Variants in PAPSS2 observed in about 807,000 individuals in gnomAD.
PAPSS2 encodes 3'-phosphoadenosine 5'-phosphosulfate synthase 2.
PAPSS2 carries 61 observed loss-of-function variants against 66.5 expected under a neutral mutation model. The observed-to-expected ratio is 0.92, with a 90% confidence interval of 0.75 to 1.14. The LOEUF is 1.14. Ranked by LOEUF, PAPSS2 falls within the 50% of genes most tolerant of loss-of-function variation. PAPSS2 has a pLI of 0.00. For synonymous variants in PAPSS2, 289 were observed against 287.5 expected (o/e 1.01, Z -0.05); for missense variants, 708 against 789.6 (o/e 0.90, Z 1.24).
At chr10:87,660,902 G>C in intron 1 of PAPSS2, 1 of 450,218 alleles carries the variant, frequency 2.2e-6, no homozygotes, top group Non-Finnish European at 4.5e-6. Context: ...GGCCACGTCA[G>C]ATGTGGTCAG....
chr10:87,711,669 C>T (rs1853463529), intron 2 of PAPSS2, among the ~76,000 whole-genome samples: 1 of 152,250 alleles, frequency 6.6e-6, no homozygotes, highest in African/African-American at 2.4e-5. Flanking sequence ...TAATGGTCCT[C>T]TGTCAAAGCC....
intron 8 of PAPSS2, among the ~76,000 whole-genome samples, chr10:87,723,726 G>A (rs1853624690): frequency 6.6e-6 from 1 of 152,138 alleles, no homozygotes; most frequent in African/African-American, 2.4e-5. Context: ...CCTTTGGAGA[G>A]TGTTTAAAAG....
At chr10:87,694,385 A>C (rs1229438622) in intron 1 of PAPSS2, among the ~76,000 whole-genome samples, 2 of 152,244 alleles carry the variant, frequency 1.3e-5, no homozygotes, top group African/African-American at 4.8e-5. Flanking sequence ...TACACCACCC[A>C]GGCAAAGTGC....
intron 9 of PAPSS2, among the ~76,000 whole-genome samples, chr10:87,737,387 A>G (rs11202531): frequency 0.34 from 51,669 of 151,936 alleles, 9,310 homozygotes; most frequent in African/African-American, 0.43. Flanking sequence ...AAAAAAATTA[A>G]GGTAAAAAAC....
At chr10:87,660,258 G>A in intron 1 of PAPSS2, 2 of 599,574 alleles carry the variant, frequency 3.3e-6, no homozygotes, top group Non-Finnish European at 5.9e-6. Flanking sequence ...CCGCGCCCGC[G>A]AGAGACCTCC....
At chr10:87,700,898 T>C (rs997082451) in intron 1 of PAPSS2, among the ~76,000 whole-genome samples, 1 of 151,860 alleles carries the variant, frequency 6.6e-6, no homozygotes, top group African/African-American at 2.4e-5. Context: ...AATCGATCCA[T>C]GTAAGCACAT....
chr10:87,701,114 A>G (rs1363902325), intron 1 of PAPSS2, among the ~76,000 whole-genome samples: 3 of 151,556 alleles, frequency 2.0e-5, no homozygotes, highest in African/African-American at 7.3e-5. Flanking sequence ...TAAAGTACAT[A>G]CCAAAAGGGG....
chr10:87,741,123 A>T, intron 9 of PAPSS2, 112 bp from the exon 10 acceptor site: 1 of 1,077,384 alleles, frequency 9.3e-7, no homozygotes, highest in East Asian at 2.5e-5. Context: ...ATACTAAAGA[A>T]CTGAAGGCAG....
intron 6 of PAPSS2, among the ~76,000 whole-genome samples, chr10:87,715,428 AG>A (rs1853521008): frequency 6.6e-6 from 1 of 152,242 alleles, no homozygotes; most frequent in African/African-American, 2.4e-5. Context: ...TGTGGATAAA[AG>A]AAAGAAAGAA....
At chr10:87,714,496 T>A (rs1243422759) in intron 4 of PAPSS2, among the ~76,000 whole-genome samples, 1 of 152,214 alleles carries the variant, frequency 6.6e-6, no homozygotes, top group Non-Finnish European at 1.5e-5. Flanking sequence ...CCTTTTTGAT[T>A]GTAATCATCT....
chr10:87,701,590 A>AT (rs1853317820), intron 1 of PAPSS2, among the ~76,000 whole-genome samples: 1 of 151,664 alleles, frequency 6.6e-6, no homozygotes, highest in Non-Finnish European at 1.5e-5. Context: ...CACCCAGCTA[A>AT]TTTTTAAATT....
At chr10:87,721,094 G>A (rs1276376340) in intron 7 of PAPSS2, among the ~76,000 whole-genome samples, 3 of 152,136 alleles carry the variant, frequency 2.0e-5, no homozygotes, top group Non-Finnish European at 4.4e-5. Flanking sequence ...CACTTATTGA[G>A]CACCAATTGT....
In PAPSS2 at chr10:87,675,563, A is replaced by T. The variant is rs573536717; in HGVS notation, c.27+15555A>T. Among the ~76,000 whole-genome samples, 3 of 152,346 alleles carry T rather than the reference A, an allele frequency of 2.0e-5. No individual in the cohort carries two copies. The South Asian group carries it at 6.2e-4, about 32-fold the overall frequency. On this transcript the variant is annotated intron_variant, in intron 1 of 12. Transcript: ENST00000456849. ...TCTGAGAATGTAATTTCATGCTAAT[A>T]GGTTGCGTTGTAAGTCCCTGGTTAG...
intron 7 of PAPSS2, among the ~76,000 whole-genome samples, chr10:87,717,148 G>A (rs1023593150): frequency 2.0e-5 from 3 of 152,174 alleles, no homozygotes; most frequent in Admixed American, 2.0e-4. Flanking sequence ...AAGGAAGGCT[G>A]ACTTTTATCT....
chr10:87,682,804 C>G (rs1041282331), intron 1 of PAPSS2, among the ~76,000 whole-genome samples: 5 of 152,170 alleles, frequency 3.3e-5, no homozygotes, highest in African/African-American at 9.6e-5. Context: ...AAAGAAGGAG[C>G]ATGTAGAAAA....
At chr10:87,695,098 A>G (rs1853215873) in intron 1 of PAPSS2, among the ~76,000 whole-genome samples, 1 of 152,134 alleles carries the variant, frequency 6.6e-6, no homozygotes, top group Non-Finnish European at 1.5e-5. Flanking sequence ...GTCTTAGTCC[A>G]TGCAGGCTGC....
chr10:87,669,931 A>T (rs754177221), intron 1 of PAPSS2, among the ~76,000 whole-genome samples: 1 of 152,224 alleles, frequency 6.6e-6, no homozygotes, highest in Non-Finnish European at 1.5e-5. Context: ...GTAATGTATT[A>T]CTGCTTCATT....
At chr10:87,660,341 C>T in intron 1 of PAPSS2, 1 of 501,914 alleles carries the variant, frequency 2.0e-6, no homozygotes. Flanking sequence ...CCCAAGAGCT[C>T]TTCCAGACCC....
chr10:87,745,629 G>A (rs1853928150), intron 12 of PAPSS2, among the ~76,000 whole-genome samples: 1 of 152,174 alleles, frequency 6.6e-6, no homozygotes, highest in Non-Finnish European at 1.5e-5. Flanking sequence ...AACAGTATAG[G>A]CGCATGGCAA....
Sources: allele counts gnomAD v4.1 joint callset (sites outside exome capture counted in the v4.1 genomes callset), GRCh38; gene constraint gnomAD v4.1.1; transcripts MANE v1.5; gene names NCBI Gene and HGNC (gene_info 2026-07-23, HGNC 2026-07-21).